TBC1D19: variants seen among roughly 807,000 people sequenced by gnomAD.
The protein encoded by TBC1D19 is TBC1 domain family, member 19.
A neutral mutation model predicts 89.0 loss-of-function variants in TBC1D19; 60 were observed. That is an observed-to-expected ratio of 0.67 (90% CI 0.55 to 0.84). The LOEUF (loss-of-function observed/expected upper bound fraction) is 0.84, where lower values mean the gene tolerates loss of function less well. TBC1D19 is among the 40% of genes least tolerant of loss of function. The pLI is 0.00. For missense variants in TBC1D19, 500 were observed against 610.8 expected, an observed-to-expected ratio of 0.82 and a Z score of 1.91; for synonymous variants, 189 against 199.7, an observed-to-expected ratio of 0.95 and a Z score of 0.45.
chr4:26,609,715 T>C (rs557306037), intron 1 of TBC1D19, among the ~76,000 whole-genome samples: 1 of 152,248 alleles, frequency 6.6e-6, no homozygotes, highest in African/African-American at 2.4e-5. Context: ...AGACTTCTTG[T>C]GTAAGCTGTG....
chr4:26,584,378 C>CTGGCTT, intron 1 of TBC1D19, 86 bp downstream of exon 1: 1 of 1,222,992 alleles, frequency 8.2e-7, no homozygotes, highest in Non-Finnish European at 1.2e-6. Context: ...AGCCAGAGCT[C>CTGGCTT]GCCTCTGACC....
At chr4:26,701,519 C>G (rs779679735) in intron 13 of TBC1D19, among the ~76,000 whole-genome samples, 1 of 151,952 alleles carries the variant, frequency 6.6e-6, no homozygotes, top group African/African-American at 2.4e-5. Context: ...AAAAATTTTC[C>G]TTAACATCGT....
chr4:26,689,792 C>T (rs1438646141), intron 13 of TBC1D19, among the ~76,000 whole-genome samples: 1 of 152,102 alleles, frequency 6.6e-6, no homozygotes, highest in African/African-American at 2.4e-5. Context: ...TTTCCTCAGT[C>T]CTTTCTATAC....
chr4:26,629,569 C>G (rs1168332846), intron 4 of TBC1D19, among the ~76,000 whole-genome samples: 1 of 151,922 alleles, frequency 6.6e-6, no homozygotes, highest in Admixed American at 6.6e-5. Flanking sequence ...TATTCAGACC[C>G]TTTGACTTAG....
chr4:26,780,882 G>A, the TBC1D19 span, among the ~76,000 whole-genome samples: 9 of 152,318 alleles, frequency 5.9e-5, no homozygotes, highest in East Asian at 1.5e-3. Flanking sequence ...CTGGAGGGAA[G>A]TTCCTGATGT....
chr4:26,759,631 A>G (rs146405630), downstream of TBC1D19, among the ~76,000 whole-genome samples: 1,127 of 152,104 alleles, frequency 7.4e-3, 12 homozygotes, highest in African/African-American at 0.026. Flanking sequence ...AATCCCCCAT[A>G]CACGCATTCA....
the TBC1D19 span, among the ~76,000 whole-genome samples, chr4:26,761,611 A>C: frequency 1.3e-5 from 2 of 152,006 alleles, no homozygotes; most frequent in Non-Finnish European, 2.9e-5. Flanking sequence ...CCTCCCTGGG[A>C]TTTTCCATAT....
chr4:26,609,730 G>A (rs1741242714), intron 1 of TBC1D19, among the ~76,000 whole-genome samples: 1 of 152,102 alleles, frequency 6.6e-6, no homozygotes, highest in Non-Finnish European at 1.5e-5. Context: ...GCTGTGAAGT[G>A]CCACAGCTGG....
intron 1 of TBC1D19, among the ~76,000 whole-genome samples, chr4:26,612,802 A>T (rs1741460547): frequency 6.6e-6 from 1 of 152,144 alleles, no homozygotes; most frequent in African/African-American, 2.4e-5. Context: ...TTTTTTAGTC[A>T]TTAGATACAG....
chr4:26,673,749 A>G, intron 10 of TBC1D19, 27 bp from the exon 11 acceptor site: 3 of 1,458,594 alleles, frequency 2.1e-6, no homozygotes, highest in Non-Finnish European at 2.9e-6. Context: ...TGAGTTTTCA[A>G]AGGAGATTTT....
At chr4:26,711,666 T>G (rs988121849) in intron 13 of TBC1D19, among the ~76,000 whole-genome samples, 1 of 152,076 alleles carries the variant, frequency 6.6e-6, no homozygotes, top group Non-Finnish European at 1.5e-5. Flanking sequence ...ATTACTATCA[T>G]GTGTAGCTTC....
chr4:26,724,073 C>T (rs952887637), intron 15 of TBC1D19, among the ~76,000 whole-genome samples: 10 of 152,086 alleles, frequency 6.6e-5, no homozygotes, highest in Non-Finnish European at 1.2e-4. Flanking sequence ...AATGGGAGAA[C>T]GTTCCAGAAG....
rs769551526 is a variant in TBC1D19, at chr4:26,755,089, G to A, written c.*142G>A. The A allele has an allele frequency of 1.6e-6, 1 of 616,426 alleles. No individual in the cohort carries two copies. Among genetic ancestry groups the A allele is most frequent in the Non-Finnish European group, 2.6e-6 (1 of 390,076 alleles). The allele number at this position is 616,426 out of a possible 1,614,324, so 38.2% of individuals were successfully genotyped here. On this transcript the variant is annotated 3_prime_UTR_variant, in exon 21 of 21. Transcript: ENST00000264866. ...TTCCCTCTTCAGTTAAACCTAAGTAGTTTCTCACTTTTTGAAACAATAACT... is the reference window on the plus strand; with the variant it reads ...TTCCCTCTTCAGTTAAACCTAAGTAATTTCTCACTTTTTGAAACAATAACT...
chr4:26,622,268 C>A (rs564242534), intron 4 of TBC1D19, among the ~76,000 whole-genome samples: 259 of 152,034 alleles, frequency 1.7e-3, no homozygotes, highest in African/African-American at 6.1e-3. Context: ...AAGATTTAAA[C>A]TCAGTAAAAT....
intron 7 of TBC1D19, among the ~76,000 whole-genome samples, chr4:26,645,609 T>C (rs1392624551): frequency 6.6e-6 from 1 of 152,068 alleles, no homozygotes; most frequent in Non-Finnish European, 1.5e-5. Flanking sequence ...GGACTTCACG[T>C]CTAAAACACC....
At chr4:26,774,632 G>A in the TBC1D19 span, among the ~76,000 whole-genome samples, 1 of 152,096 alleles carries the variant, frequency 6.6e-6, no homozygotes, top group South Asian at 2.1e-4. Flanking sequence ...ATTGATTTTT[G>A]TATATTGATC....
the TBC1D19 span, among the ~76,000 whole-genome samples, chr4:26,816,320 G>A: frequency 1.3e-3 from 201 of 152,188 alleles, no homozygotes; most frequent in Middle Eastern, 6.8e-3. Flanking sequence ...ACAAACCTAC[G>A]AAGATTCTGC....
At chr4:26,857,220 T>C in the TBC1D19 span, among the ~76,000 whole-genome samples, 4 of 152,356 alleles carry the variant, frequency 2.6e-5, no homozygotes, top group African/African-American at 9.6e-5. Flanking sequence ...TCTATATCAC[T>C]TTAGAGGTGT....
At chr4:26,637,051 A>G (rs554492608) in intron 4 of TBC1D19, among the ~76,000 whole-genome samples, 160 bp from the exon 5 acceptor site, 1 of 152,166 alleles carries the variant, frequency 6.6e-6, no homozygotes, top group Non-Finnish European at 1.5e-5. Context: ...TATCTGGCAT[A>G]TAGTAGGCAA....
Sources: gnomAD v4.1 joint callset for allele counts (sites outside exome capture counted in the v4.1 genomes callset) on GRCh38, gnomAD v4.1.1 for gene constraint, MANE v1.5 for transcripts, NCBI Gene and HGNC (gene_info 2026-07-23, HGNC 2026-07-21) for gene names.